Variants in FBXL2 observed in about 807,000 individuals in gnomAD.
The protein encoded by FBXL2 is F-box/LRR-repeat protein 2.
A neutral mutation model predicts 69.2 loss-of-function variants in FBXL2; 38 were observed. That is an observed-to-expected ratio of 0.55 (90% CI 0.42 to 0.72). FBXL2 has a LOEUF of 0.72. Ranked by LOEUF, FBXL2 falls within the 30% of genes least tolerant of loss-of-function variation. The pLI is 0.00. For missense variants in FBXL2, 354 were observed against 520.3 expected (o/e 0.68, Z 3.11); for synonymous variants, 192 against 201.3 (o/e 0.95, Z 0.39).
intron 2 of FBXL2, among the ~76,000 whole-genome samples, chr3:33,321,858 A>G (rs1410774667): frequency 2.6e-5 from 4 of 152,078 alleles, no homozygotes; most frequent in Admixed American, 1.3e-4. Flanking sequence ...TGAAACAACC[A>G]TTGTATATGT....
chr3:33,378,888 A>G (rs1270596539), intron 13 of FBXL2, 147 bp downstream of exon 13: 11 of 1,436,250 alleles, frequency 7.7e-6, no homozygotes, highest in Admixed American at 2.5e-5. Flanking sequence ...TTGGGAGGCA[A>G]GGTATCTAAA....
intron 1 of FBXL2, among the ~76,000 whole-genome samples, chr3:33,279,371 C>T (rs1043916973): frequency 1.3e-5 from 2 of 151,924 alleles, no homozygotes; most frequent in African/African-American, 2.4e-5. Flanking sequence ...CCCGGGTACA[C>T]GCCATTCTCC....
chr3:33,411,566 T>C, the FBXL2 span: 2 of 1,610,930 alleles, frequency 1.2e-6, no homozygotes, highest in East Asian at 2.2e-5. Context: ...CTTCTAATAA[T>C]GTAAAAATCC....
Position 33,317,580 on chromosome 3 carries a change from A to C in FBXL2, c.65+19855A>C. On this transcript the variant is annotated intron_variant, in intron 2 of 14. Coordinates refer to ENST00000484457, the MANE Select transcript of FBXL2 (RefSeq NM_012157.5). ...GCAATGATGAGATTCTGCTAAACAG[A>C]TATTATGAAGCCCGCCTTATCCTAG... 15 of 453,288 alleles carry C rather than the reference A, an allele frequency of 3.3e-5. 1 individual carries two copies. Among genetic ancestry groups the C allele is most frequent in the South Asian group, 2.3e-4 (15 of 64,026 alleles). 28.1% of individuals were successfully genotyped at this position (453,288 alleles called of 1,614,324 possible).
chr3:33,395,750 G>GAAAAAAAAAAA (rs61654235), intron 12 of FBXL2, among the ~76,000 whole-genome samples: 97 of 69,652 alleles, frequency 1.4e-3, no homozygotes, highest in Non-Finnish European at 1.9e-3. Flanking sequence ...CAGGAAAATT[G>GAAAAAAAAAAA]AAAAAAAAAA....
chr3:33,314,551 A>G (rs1024309195), intron 2 of FBXL2, among the ~76,000 whole-genome samples: 10 of 152,202 alleles, frequency 6.6e-5, no homozygotes, highest in African/African-American at 2.2e-4. Flanking sequence ...ATCTAAAACC[A>G]TGGTAATGAA....
chr3:33,283,046 T>C (rs1166273025), intron 1 of FBXL2, among the ~76,000 whole-genome samples: 2 of 152,178 alleles, frequency 1.3e-5, no homozygotes, highest in Non-Finnish European at 2.9e-5. Flanking sequence ...TATTTCCTTC[T>C]CCTGCCTGAT....
chr3:33,313,420 C>T (rs1288356554), intron 2 of FBXL2, among the ~76,000 whole-genome samples: 1 of 151,986 alleles, frequency 6.6e-6, no homozygotes, highest in African/African-American at 2.4e-5. Context: ...AAACAAACAT[C>T]AGATTCTACA....
downstream of FBXL2, chr3:33,389,975 G>GT (rs1471868568): frequency 4.6e-6 from 1 of 218,496 alleles, no homozygotes; most frequent in Non-Finnish European, 9.1e-6. Flanking sequence ...AATGCCCACA[G>GT]TAAGTTTCTA....
intron 2 of FBXL2, among the ~76,000 whole-genome samples, chr3:33,298,842 C>T (rs2035993051): frequency 6.6e-6 from 1 of 151,134 alleles, no homozygotes; most frequent in East Asian, 1.9e-4. Flanking sequence ...CTCCACAAAA[C>T]AACAGCAACA....
chr3:33,385,540 C>T lies in FBXL2; in HGVS notation c.1204C>T (p.Pro402Ser). The part of the protein sequence containing the change: ...PHVKVHAYFA[P>S]VTPPTAVAGS... Reference sequence around the variant, plus strand: ...TGTCAAAGTCCACGCCTACTTTGCTCCCGTCACCCCACCGACAGCAGTGGC... The same window carrying T: ...TGTCAAAGTCCACGCCTACTTTGCTTCCGTCACCCCACCGACAGCAGTGGC... The change falls in exon 15 of 15, where the codon CCC becomes TCC. Residue 402 changes from proline (P) to serine (S), a missense_variant. Physicochemically the swap from Pro to Ser is moderately conservative, Grantham distance 74. Coordinates refer to ENST00000484457, the MANE Select transcript of FBXL2 (RefSeq NM_012157.5). 6.2e-7 allele frequency: 1 copy of T among 1,614,094 alleles called. No individual in the cohort carries two copies. Among genetic ancestry groups the T allele is most frequent in the Non-Finnish European group, 8.5e-7 (1 of 1,179,986 alleles).
At chr3:33,302,324 G>T (rs2036364957) in intron 2 of FBXL2, among the ~76,000 whole-genome samples, 1 of 152,054 alleles carries the variant, frequency 6.6e-6, no homozygotes. Flanking sequence ...AAGCAAATGT[G>T]TGGTGGTGTG....
intron 12 of FBXL2, among the ~76,000 whole-genome samples, chr3:33,403,060 T>C (rs1346696657): frequency 6.6e-6 from 1 of 152,240 alleles, no homozygotes; most frequent in African/African-American, 2.4e-5. Flanking sequence ...AATTTACTTC[T>C]GTGTGGCAAA....
chr3:33,410,270 A>G, the FBXL2 span, among the ~76,000 whole-genome samples: 16 of 152,244 alleles, frequency 1.1e-4, 1 homozygote, highest in South Asian at 4.1e-4. Context: ...CAGAGTTAAC[A>G]GCAAGACCTT....
chr3:33,378,929 A>G, intron 13 of FBXL2, 188 bp downstream of exon 13: 1 of 1,144,712 alleles, frequency 8.7e-7, no homozygotes, highest in Non-Finnish European at 1.2e-6. Context: ...TGAATTTGCA[A>G]TTTTAAGATT....
chr3:33,373,984 C>T, intron 9 of FBXL2, 63 bp downstream of exon 9: 1 of 1,523,732 alleles, frequency 6.6e-7, no homozygotes, highest in Non-Finnish European at 9.1e-7. Flanking sequence ...CAGTCTGCCT[C>T]AGGCCTCCCT....
At chr3:33,370,186 G>A (rs2042199930) in intron 5 of FBXL2, among the ~76,000 whole-genome samples, 1 of 151,976 alleles carries the variant, frequency 6.6e-6, no homozygotes, top group African/African-American at 2.4e-5. Flanking sequence ...AGGCTGAGGC[G>A]GGCGGATCAT....
At chr3:33,398,599 A>G (rs1478195665) in intron 12 of FBXL2, among the ~76,000 whole-genome samples, 1 of 152,210 alleles carries the variant, frequency 6.6e-6, no homozygotes, top group Non-Finnish European at 1.5e-5. Flanking sequence ...GCTGTGACTC[A>G]GGAGATGTGC....
chr3:33,385,858 T>C lies in FBXL2; in HGVS notation c.*250T>C, dbSNP rs1342335749. ...AGTGGTCTCAATGCAGCTAGGACCA[T>C]GCCAGAAACCTGGATCTCTTAAGAG... is the stretch of plus-strand genomic sequence containing the variant. On this transcript the variant is annotated 3_prime_UTR_variant, in exon 15 of 15. Coordinates refer to ENST00000484457, the MANE Select transcript of FBXL2 (RefSeq NM_012157.5). 3.9e-6 allele frequency: 2 copies of C among 509,042 alleles called. No individual in the cohort carries two copies. The highest frequency in any genetic ancestry group is 3.5e-5 in the Admixed American group (1 of 28,452). 31.5% of individuals were successfully genotyped at this position (509,042 alleles called of 1,614,324 possible).
Sources: allele counts gnomAD v4.1 joint callset (sites outside exome capture counted in the v4.1 genomes callset), GRCh38; gene constraint gnomAD v4.1.1; transcripts MANE v1.5; gene names NCBI Gene and HGNC (gene_info 2026-07-23, HGNC 2026-07-21).